The following ARHGEF26 variants were observed in gnomAD, a reference collection of about 807,000 sequenced individuals.
ARHGEF26 encodes the protein Rho guanine nucleotide exchange factor (GEF) 26.
A neutral mutation model predicts 89.4 loss-of-function variants in ARHGEF26; 59 were observed. The ratio of observed to expected loss-of-function variants is 0.66; its 90% CI spans 0.54 to 0.82. ARHGEF26 has a LOEUF of 0.82. ARHGEF26 is among the 40% of genes least tolerant of loss of function. The probability of loss-of-function intolerance (pLI) is 0.00; values close to 1 mark genes in which losing one functional copy is unlikely to be tolerated. For synonymous variants in ARHGEF26, 500 were observed against 428.4 expected, an observed-to-expected ratio of 1.17 and a Z score of -2.06; for missense variants, 1,234 against 1,085.6, an observed-to-expected ratio of 1.14 and a Z score of -1.92.
intron 4 of ARHGEF26, among the ~76,000 whole-genome samples, chr3:154,143,495 A>G (rs1719512110): frequency 6.6e-6 from 1 of 152,038 alleles, no homozygotes; most frequent in Non-Finnish European, 1.5e-5. Flanking sequence ...CTTTTAACCA[A>G]TTTCTTGTTG....
chr3:154,130,146 A>ATTTTTT (rs1339031022), intron 4 of ARHGEF26, among the ~76,000 whole-genome samples: 3 of 29,014 alleles, frequency 1.0e-4, no homozygotes, highest in Non-Finnish European at 1.1e-4. Context: ...CTTCCTTGGA[A>ATTTTTT]ATTTTTTTTT....
rs186985351 is a variant in ARHGEF26, at chr3:154,174,167, T to C, written c.1488-13518T>C. 1.9e-3 allele frequency among the ~76,000 whole-genome samples: 288 copies of C among 152,284 alleles called. 2 individuals carry two copies. Among genetic ancestry groups the C allele is most frequent in the East Asian group, 3.5e-3 (18 of 5,178 alleles). On this transcript the variant is annotated intron_variant, in intron 6 of 14. Transcript: ENST00000465093. ...ATGGGTGTGAGATGGGTCTGAGTAG[T>C]GGGATCACCATAAACTGGGCTGTGA...
chr3:154,182,354 G>T lies in ARHGEF26; in HGVS notation c.1488-5331G>T, dbSNP rs187903394. The stretch of plus-strand genomic sequence containing the variant: ...GGATTCATGAGGGAAAAAGGGGAGC[G>T]AGAATAGGAGGGCCAAAATGAATAA... On this transcript the variant is annotated intron_variant, in intron 6 of 14. Coordinates refer to ENST00000465093, the MANE Select transcript of ARHGEF26 (RefSeq NM_015595.4). 3.0e-3 allele frequency among the ~76,000 whole-genome samples: 456 copies of T among 152,150 alleles called. 4 individuals carry two copies. Among genetic ancestry groups the T allele is most frequent in the African/African-American group, 0.01 (435 of 41,498 alleles).
In ARHGEF26 at chr3:154,122,331, A is replaced by G. The variant is rs1180503660; in HGVS notation, c.339A>G (p.Ser113=). 3 of 1,612,670 alleles carry G rather than the reference A, an allele frequency of 1.9e-6. No homozygotes were observed. The highest frequency in any genetic ancestry group is 1.1e-5 in the South Asian group (1 of 91,080). The change falls in exon 2 of 15, where the codon TCA becomes TCG. Residue 113 remains serine, a synonymous_variant. Coordinates refer to ENST00000465093, the MANE Select transcript of ARHGEF26 (RefSeq NM_015595.4). ...CTCCTCGACTTCGACGGCCCAAGTC[A>G]CCCAAGCTCCCCAAAGCGGTGCCTG... ...AASPRLRRPK[S]PKLPKAVPGG...
chr3:154,181,698 T>A (rs547804315), intron 6 of ARHGEF26, among the ~76,000 whole-genome samples: 67 of 152,238 alleles, frequency 4.4e-4, no homozygotes, highest in African/African-American at 1.5e-3. Context: ...GGTCTCTCTT[T>A]AGTAATCCTA....
At chr3:154,152,688 T>A in intron 5 of ARHGEF26, 84 bp from the exon 6 acceptor site, 1 of 1,099,154 alleles carries the variant, frequency 9.1e-7, no homozygotes, top group Non-Finnish European at 1.2e-6. Flanking sequence ...AGTATCTTGT[T>A]ATTCTTACAG....
chr3:154,254,923 C>A, intron 14 of ARHGEF26, 99 bp downstream of exon 14: 1 of 955,854 alleles, frequency 1.0e-6, no homozygotes, highest in Non-Finnish European at 1.6e-6. Context: ...TATTCCAAAT[C>A]TTGACATGTT....
chr3:154,122,482 G>A lies in ARHGEF26; in HGVS notation c.490G>A (p.Gly164Arg). ...CTGCACCCCCGAGGAGGACCTTACT[G>A]GGTTGACTGCCAGCCCGGTGCCTTC... is the stretch of plus-strand genomic sequence containing the variant. ...APCTPEEDLTGLTASPVPSPT... is the reference protein window; with the variant it reads ...APCTPEEDLTRLTASPVPSPT... Residue 164 changes from glycine (G) to arginine (R), a missense_variant, in exon 2 of 15, where the codon GGG (glycine) becomes AGG (arginine). Physicochemically the swap from Gly to Arg is moderately radical, Grantham distance 125. Coordinates refer to ENST00000465093, the MANE Select transcript of ARHGEF26 (RefSeq NM_015595.4). 1 of 1,612,794 alleles carries A rather than the reference G, an allele frequency of 6.2e-7. No homozygotes were observed. The highest frequency in any genetic ancestry group is 8.5e-7 in the Non-Finnish European group (1 of 1,179,752).
chr3:154,141,098 A>G (rs777664942), intron 4 of ARHGEF26, among the ~76,000 whole-genome samples: 2 of 151,968 alleles, frequency 1.3e-5, no homozygotes, highest in Non-Finnish European at 2.9e-5. Flanking sequence ...AGTAGCTGGG[A>G]CTACAGGCGG....
rs527920985 is a variant in ARHGEF26, at chr3:154,123,886, T to G, written c.1084-524T>G. ...GGGTATTTTGGAGTGTGTGCTTCCT[T>G]CCACAGAAACAACACAGGTTTCAGC... is the stretch of plus-strand genomic sequence containing the variant. On this transcript the variant is annotated intron_variant, in intron 2 of 14. Coordinates refer to ENST00000465093, the MANE Select transcript of ARHGEF26 (RefSeq NM_015595.4). Among the ~76,000 whole-genome samples the G allele has an allele frequency of 6.0e-4, 88 of 146,584 alleles. 1 individual carries two copies. The highest frequency in any genetic ancestry group is 7.0e-3 in the Middle Eastern group (2 of 284).
At chr3:154,134,002 T>C (rs1385935920) in intron 4 of ARHGEF26, among the ~76,000 whole-genome samples, 1 of 152,170 alleles carries the variant, frequency 6.6e-6, no homozygotes, top group Non-Finnish European at 1.5e-5. Context: ...TTGACTGTTG[T>C]TGGTGTATAG....
intron 4 of ARHGEF26, among the ~76,000 whole-genome samples, chr3:154,136,077 A>G (rs1718984578): frequency 6.6e-6 from 1 of 152,148 alleles, no homozygotes; most frequent in South Asian, 2.1e-4. Flanking sequence ...TCAGCACCTA[A>G]TAGAGTCATC....
intron 7 of ARHGEF26, among the ~76,000 whole-genome samples, chr3:154,190,999 T>G (rs756889688): frequency 5.3e-5 from 8 of 152,188 alleles, no homozygotes; most frequent in African/African-American, 9.7e-5. Flanking sequence ...TACCACAGCT[T>G]CTTCATTTGC....
Position 154,152,807 on chromosome 3 carries a change from T to C in ARHGEF26, c.1362T>C (p.Tyr454=), listed in dbSNP as rs764988163. Residue 454 remains tyrosine (Y), a synonymous_variant, in exon 6 of 15, where the codon TAT becomes TAC. Transcript: ENST00000465093. ...AAGTCATATCCTCTGAACATTCATA[T>C]TTACTCAGCTTGGAGATCTTGATAC... ...IFEVISSEHS[Y]LLSLEILIRM... 1.3e-6 allele frequency: 2 copies of C among 1,558,772 alleles called. No homozygotes were observed. The highest frequency in any genetic ancestry group is 1.7e-6 in the Non-Finnish European group (2 of 1,150,430).
intron 9 of ARHGEF26, among the ~76,000 whole-genome samples, chr3:154,213,241 G>GTATA (rs750841371): frequency 2.4e-4 from 35 of 145,656 alleles, no homozygotes; most frequent in African/African-American, 6.5e-4. Context: ...GTGTGTGTGT[G>GTATA]TATATATATA....
At chr3:154,138,951 G>T (rs2108069417) in intron 4 of ARHGEF26, among the ~76,000 whole-genome samples, 1 of 152,318 alleles carries the variant, frequency 6.6e-6, no homozygotes, top group South Asian at 2.1e-4. Context: ...TTGTGGTAAA[G>T]CTGTGAATGA....
rs1719342330 is a variant in ARHGEF26 at position 154,141,001 on chromosome 3, G to A, written c.1270-8388G>A. ...TTTTGAGATGGAGTCTTGCTCTGTC[G>A]CCCAGGCTGGAGTGCAGTGGCACAA... On this transcript the variant is annotated intron_variant, in intron 4 of 14. Transcript: ENST00000465093. Among the ~76,000 whole-genome samples the A allele has an allele frequency of 3.3e-5, 5 of 150,396 alleles. No individual in the cohort carries two copies. The South Asian group carries it at 6.3e-4, about 19-fold the overall frequency.
chr3:154,123,163 G>C (rs1718106163), intron 2 of ARHGEF26, 88 bp downstream of exon 2: 1 of 1,527,312 alleles, frequency 6.5e-7, no homozygotes. Context: ...GAGGAAACCC[G>C]AAGAAGTCAT....
At chr3:154,137,956 T>C (rs927560126) in intron 4 of ARHGEF26, among the ~76,000 whole-genome samples, 2 of 152,206 alleles carry the variant, frequency 1.3e-5, no homozygotes, top group Admixed American at 6.5e-5. Context: ...AATACTCTTC[T>C]GAAAATCCAC....
Sources: gnomAD v4.1 joint callset for allele counts (sites outside exome capture counted in the v4.1 genomes callset) on GRCh38, gnomAD v4.1.1 for gene constraint, MANE v1.5 for transcripts, NCBI Gene and HGNC (gene_info 2026-07-23, HGNC 2026-07-21) for gene names.